Variants in SREK1IP1 observed in about 807,000 individuals in gnomAD.
The protein encoded by SREK1IP1 is SREK1 interacting protein 1.
SREK1IP1 carries 12 observed loss-of-function variants against 22.8 expected under a neutral mutation model. The ratio of observed to expected loss-of-function variants is 0.53; its 90% CI spans 0.34 to 0.85. The LOEUF is 0.85. SREK1IP1 is among the 40% of genes least tolerant of loss of function. The pLI, the probability that SREK1IP1 is intolerant of heterozygous loss-of-function variation, is 0.02. For missense variants in SREK1IP1, 147 were observed against 171.8 expected, an observed-to-expected ratio of 0.86 and a Z score of 0.81; for synonymous variants, 53 against 52.7, an observed-to-expected ratio of 1.01 and a Z score of -0.02.
intron 3 of SREK1IP1, among the ~76,000 whole-genome samples, chr5:64,729,939 G>T (rs1175368919): frequency 6.6e-6 from 1 of 152,184 alleles, no homozygotes; most frequent in Non-Finnish European, 1.5e-5. Context: ...CTGAAGTTTA[G>T]AGATTAGTCT....
At chr5:64,763,444 G>T (rs1476791692) in intron 1 of SREK1IP1, among the ~76,000 whole-genome samples, 2 of 151,498 alleles carry the variant, frequency 1.3e-5, no homozygotes, top group African/African-American at 4.9e-5. Context: ...GGCTGAGGCA[G>T]AAGAATCACT....
chr5:64,746,853 A>C (rs943559956), intron 2 of SREK1IP1, among the ~76,000 whole-genome samples: 1 of 152,190 alleles, frequency 6.6e-6, no homozygotes, highest in African/African-American at 2.4e-5. Flanking sequence ...GCCTATAGCG[A>C]GTCTAGGCCA....
intron 3 of SREK1IP1, among the ~76,000 whole-genome samples, chr5:64,740,288 C>G (rs1348456347): frequency 6.6e-6 from 1 of 151,982 alleles, no homozygotes; most frequent in Non-Finnish European, 1.5e-5. Flanking sequence ...TATCTGTTAG[C>G]CATAGAACCC....
chr5:64,729,479 C>A (rs1054362223), intron 3 of SREK1IP1, among the ~76,000 whole-genome samples: 1 of 152,034 alleles, frequency 6.6e-6, no homozygotes, highest in Non-Finnish European at 1.5e-5. Context: ...AACAGATGAA[C>A]AATATCATAA....
chr5:64,727,549 A>ATTTT lies in SREK1IP1; in HGVS notation c.278+557_278+558insAAAA, dbSNP rs1269876433. On this transcript the variant is annotated intron_variant, in intron 4 of 4. Coordinates refer to ENST00000513458, the MANE Select transcript of SREK1IP1 (RefSeq NM_173829.4). ...TAATTACATATATATATATATATATATATATTTTTTTTTTTTTGGTGGGCG... is the reference window on the plus strand; with the variant it reads ...TAATTACATATATATATATATATATATTTTTATATTTTTTTTTTTTTGGTGGGCG... 9.2e-5 allele frequency: 11 copies of ATTTT among 119,002 alleles called. 1 individual carries two copies. The highest frequency in any genetic ancestry group is 4.3e-4 in the African/African-American group (9 of 20,986). 7.4% of individuals were successfully genotyped at this position (119,002 alleles called of 1,614,324 possible).
chr5:64,744,648 C>A (rs1399144123), intron 2 of SREK1IP1, among the ~76,000 whole-genome samples: 1 of 151,934 alleles, frequency 6.6e-6, no homozygotes, highest in East Asian at 1.9e-4. Flanking sequence ...TTTTCCTTGT[C>A]CCTTTATTTT....
intron 4 of SREK1IP1, among the ~76,000 whole-genome samples, chr5:64,726,075 T>G (rs578117542): frequency 2.0e-5 from 3 of 151,892 alleles, no homozygotes; most frequent in African/African-American, 7.2e-5. Context: ...TTCACTGTGT[T>G]GGCCAGGCTG....
intron 2 of SREK1IP1, among the ~76,000 whole-genome samples, chr5:64,746,043 G>T (rs973589391): frequency 2.0e-5 from 3 of 152,164 alleles, no homozygotes; most frequent in Non-Finnish European, 4.4e-5. Flanking sequence ...CAATGGAATA[G>T]AATTGAAAGT....
intron 2 of SREK1IP1, among the ~76,000 whole-genome samples, chr5:64,747,260 G>A (rs1048857657): frequency 3.9e-5 from 6 of 152,080 alleles, no homozygotes; most frequent in Non-Finnish European, 2.9e-5. Flanking sequence ...CCTTTCTAGA[G>A]GTCTGGAAGT....
chr5:64,724,439 C>T lies in SREK1IP1; in HGVS notation c.413G>A (p.Arg138Lys). 1 of 1,584,386 alleles carries T rather than the reference C, an allele frequency of 6.3e-7. No individual in the cohort carries two copies. The highest frequency in any genetic ancestry group is 1.4e-5 in the African/African-American group (1 of 72,718). ...GKHHKKEKKK[R>K]KKEKHSSTPN... ...TGTAGAAGAATGCTTTTCCTTTTTT[C>T]TCTTCTTTTTTTCCTTTTTGTGATG... is the stretch of plus-strand genomic sequence containing the variant. The change falls in exon 5 of 5, where the codon AGA becomes AAA. Residue 138 changes from arginine to lysine, a missense_variant. Around this residue, in one of 3 missense-constraint regions of SREK1IP1, gnomAD observed 82 missense variants for 81.7 expected, o/e 1.00. Transcript: ENST00000513458.
intron 3 of SREK1IP1, among the ~76,000 whole-genome samples, chr5:64,736,823 C>A (rs943532763): frequency 2.6e-4 from 39 of 151,954 alleles, no homozygotes; most frequent in Admixed American, 2.3e-3. Context: ...GGAAAAAAAA[C>A]CTCTTCATTC....
intron 3 of SREK1IP1, among the ~76,000 whole-genome samples, chr5:64,737,253 G>A (rs563254310): frequency 4.6e-5 from 7 of 151,548 alleles, no homozygotes; most frequent in African/African-American, 1.7e-4. Context: ...TGACCACAAT[G>A]GTATGAAAAT....
chr5:64,759,900 A>C (rs953326131), intron 1 of SREK1IP1, among the ~76,000 whole-genome samples: 3 of 152,128 alleles, frequency 2.0e-5, no homozygotes, highest in Non-Finnish European at 2.9e-5. Context: ...AATTAGTACT[A>C]TCTCTTATGG....
chr5:64,721,104 T>G lies in SREK1IP1; in HGVS notation c.*3280A>C, dbSNP rs1452634469. On this transcript the variant is annotated 3_prime_UTR_variant, in exon 5 of 5. Transcript: ENST00000513458. Reference sequence around the variant, plus strand: ...AAATTGCAATTCAGTCACTACTTTCTCTAGGTAGCCTCTTCTAATTTATCC... The same window carrying G: ...AAATTGCAATTCAGTCACTACTTTCGCTAGGTAGCCTCTTCTAATTTATCC... 6.6e-6 allele frequency: 1 copy of G among 152,244 alleles called. No homozygotes were observed. Among genetic ancestry groups the G allele is most frequent in the Non-Finnish European group, 1.5e-5 (1 of 68,066 alleles). The allele number at this position is 152,244 out of a possible 1,614,324, so 9.4% of individuals were successfully genotyped here.
chr5:64,763,729 C>G (rs972881917), intron 1 of SREK1IP1, among the ~76,000 whole-genome samples: 1 of 152,160 alleles, frequency 6.6e-6, no homozygotes, highest in Admixed American at 6.5e-5. Context: ...ATGGGTATAA[C>G]TTTGAACTCG....
At chr5:64,743,808 A>G (rs929407622) in intron 2 of SREK1IP1, among the ~76,000 whole-genome samples, 2 of 152,128 alleles carry the variant, frequency 1.3e-5, no homozygotes, top group African/African-American at 4.8e-5. Flanking sequence ...CTTTTGCCTC[A>G]AAAGTCTGAA....
intron 1 of SREK1IP1, among the ~76,000 whole-genome samples, chr5:64,763,131 CCAAT>C (rs571141799): frequency 8.6e-5 from 13 of 151,964 alleles, no homozygotes; most frequent in African/African-American, 2.7e-4. Flanking sequence ...AACTAGCAAA[CCAAT>C]CAAAGAGCTG....
chr5:64,764,090 ATAGAATACAC>A (rs141831861), intron 1 of SREK1IP1, among the ~76,000 whole-genome samples: 9,212 of 152,252 alleles, frequency 0.061, 908 homozygotes, highest in African/African-American at 0.21. Flanking sequence ...GGCATAAACT[ATAGAATACAC>A]TGAAATACAC....
intron 1 of SREK1IP1, among the ~76,000 whole-genome samples, chr5:64,767,381 C>T (rs1027987911): frequency 6.6e-6 from 1 of 152,196 alleles, no homozygotes. Context: ...TGAAGCGTAA[C>T]CATGTCTACC....
Sources: gnomAD v4.1 joint callset for allele counts (sites outside exome capture counted in the v4.1 genomes callset) on GRCh38, gnomAD v4.1.1 for gene constraint, gnomAD v4.1.1 regional missense constraint, MANE v1.5 for transcripts, NCBI Gene and HGNC (gene_info 2026-07-23, HGNC 2026-07-21) for gene names.